The following FOXN4 variants were observed in gnomAD, a reference collection of about 807,000 sequenced individuals.
FOXN4 encodes forkhead box protein N4.
Under a neutral mutation model 45.0 loss-of-function variants are expected in FOXN4, and 12 were observed. The observed-to-expected ratio is 0.27, with a 90% CI of 0.17 to 0.43. The LOEUF is 0.43. Among genes scored for constraint, FOXN4 ranks in the 20% least tolerant of loss-of-function variants. The probability of loss-of-function intolerance (pLI) is 1.00; values close to 1 mark genes in which losing one functional copy is unlikely to be tolerated. For synonymous variants in FOXN4, 297 were observed against 295.0 expected (o/e 1.01, Z -0.07); for missense variants, 560 against 694.9 (o/e 0.81, Z 2.18).
Position 109,288,325 on chromosome 12 carries a change from TC to T in FOXN4, c.233-146del. The T allele has an allele frequency of 2.6e-6, 3 of 1,158,562 alleles. No individual in the cohort carries two copies. The highest frequency in any genetic ancestry group is 3.6e-6 in the Non-Finnish European group (3 of 844,420). The allele number at this position is 1,158,562 out of a possible 1,614,324, so 71.8% of individuals were successfully genotyped here. A position where few individuals can be genotyped will look rare whatever the true frequency, so the allele number is the denominator to read the frequency against. ...CATAGTAGGTGCTTGGCAAATCACT[TC>T]CCTGGTGTGTAGTGAAAAGTAGGTT... On this transcript the variant is annotated intron_variant, in intron 3 of 9. Transcript: ENST00000299162. The surrounding 1 kb of genome is among the most constrained non-coding windows in gnomAD (Gnocchi z 4.3).
intron 2 of FOXN4, among the ~76,000 whole-genome samples, chr12:109,297,736 A>G (rs764586834): frequency 3.9e-5 from 6 of 152,204 alleles, no homozygotes; most frequent in Non-Finnish European, 7.3e-5. Flanking sequence ...ATTCTCTTTC[A>G]CAAAACCAAT....
In FOXN4 at chr12:109,294,005, G is replaced by C. The variant is rs150927121; in HGVS notation, c.87-3719C>G. ...AATCCCTTTGTTTATAAGCGAGGCAGTCAGAACTCGAACCCGGGTCTGTCT... is the reference window on the plus strand; with the variant it reads ...AATCCCTTTGTTTATAAGCGAGGCACTCAGAACTCGAACCCGGGTCTGTCT... On this transcript the variant is annotated intron_variant, in intron 2 of 9. Transcript: ENST00000299162. 2.7e-3 allele frequency among the ~76,000 whole-genome samples: 418 copies of C among 152,322 alleles called. 2 individuals are homozygous for C. Among genetic ancestry groups the C allele is most frequent in the African/African-American group, 9.1e-3 (378 of 41,574 alleles).
At chr12:109,308,182 CAA>C in intron 2 of FOXN4, 52 bp downstream of exon 2, 1 of 1,405,274 alleles carries the variant, frequency 7.1e-7, no homozygotes, top group African/African-American at 1.4e-5. Flanking sequence ...AAACAGCATA[CAA>C]ACACTTTGAG....
rs185787643 is a variant in FOXN4 at position 109,306,312 on chromosome 12, T to C, written c.86+1924A>G. Among the ~76,000 whole-genome samples, 3 of 152,308 alleles carry C rather than the reference T, an allele frequency of 2.0e-5. No homozygotes were observed. The East Asian group carries it at 5.8e-4, about 29-fold the overall frequency. On this transcript the variant is annotated intron_variant, in intron 2 of 9. Coordinates refer to ENST00000299162, the MANE Select transcript of FOXN4 (RefSeq NM_213596.3). ...GCTGTGATCATGCCCATTTTAAAGA[T>C]GAGAAACAAAAGCAAGTCACCGGCC...
chr12:109,290,338 CT>C lies in FOXN4; in HGVS notation c.87-53del. ...CGGGAGGGGGAGCTTAGGCCAGCTC[CT>C]GGGGGTGCGTCCCGACCTCTGGAAG... is the stretch of plus-strand genomic sequence containing the variant. On this transcript the variant is annotated intron_variant, in intron 2 of 9. Transcript: ENST00000299162. The surrounding 1 kb of genome is among the most constrained non-coding windows in gnomAD (Gnocchi z 5.1). 1 of 1,495,330 alleles carries C rather than the reference CT, an allele frequency of 6.7e-7. No individual in the cohort carries two copies. The highest frequency in any genetic ancestry group is 9.0e-7 in the Non-Finnish European group (1 of 1,116,764). 92.6% of individuals were successfully genotyped at this position (1,495,330 alleles called of 1,614,324 possible).
chr12:109,286,981 C>T, intron 6 of FOXN4: 1 of 1,057,514 alleles, frequency 9.5e-7, no homozygotes, highest in Non-Finnish European at 1.3e-6. Context: ...AAATCTTACC[C>T]TTTCCCCTCT....
At chr12:109,306,319 C>A (rs1335214851) in intron 2 of FOXN4, among the ~76,000 whole-genome samples, 2 of 152,228 alleles carry the variant, frequency 1.3e-5, no homozygotes, top group Admixed American at 6.5e-5. Context: ...AGATGAGAAA[C>A]AAAAGCAAGT....
chr12:109,302,773 C>A (rs1374347167), intron 2 of FOXN4, among the ~76,000 whole-genome samples: 2 of 152,136 alleles, frequency 1.3e-5, no homozygotes, highest in African/African-American at 4.8e-5. Context: ...AGAGACATGT[C>A]CCGCCCTACC....
intron 2 of FOXN4, among the ~76,000 whole-genome samples, chr12:109,298,049 A>G (rs1206733045): frequency 6.6e-6 from 1 of 152,190 alleles, no homozygotes; most frequent in Non-Finnish European, 1.5e-5. Context: ...TAAAACAACT[A>G]GAAATTTGAT....
chr12:109,292,910 A>C (rs1206155730), intron 2 of FOXN4, among the ~76,000 whole-genome samples: 1 of 152,124 alleles, frequency 6.6e-6, no homozygotes, highest in East Asian at 1.9e-4. Context: ...AAGGCTGAGC[A>C]TCTAGTTGGG....
chr12:109,280,677 C>A (rs1417711774), intron 9 of FOXN4, among the ~76,000 whole-genome samples: 2 of 152,228 alleles, frequency 1.3e-5, no homozygotes, highest in Admixed American at 6.5e-5. Flanking sequence ...AGCTGACTTG[C>A]CACTTGTCCA....
Position 109,291,271 on chromosome 12 carries a change from T to G in FOXN4, c.87-985A>C, listed in dbSNP as rs2047765349. Among the ~76,000 whole-genome samples the G allele has an allele frequency of 6.6e-6, 1 of 151,738 alleles. No homozygotes were observed. Among genetic ancestry groups the G allele is most frequent in the Non-Finnish European group, 1.5e-5 (1 of 67,922 alleles). On this transcript the variant is annotated intron_variant, in intron 2 of 9. Transcript: ENST00000299162. The surrounding 1 kb of genome is among the most constrained non-coding windows in gnomAD (Gnocchi z 6.6). ...CACTTGCCACGCGACTCCGAGAGCA[T>G]CGGGTCTTACACCACCATCCGGGCC... is the stretch of plus-strand genomic sequence containing the variant.
intron 2 of FOXN4, among the ~76,000 whole-genome samples, chr12:109,299,239 C>T (rs193064413): frequency 4.2e-4 from 64 of 152,272 alleles, no homozygotes; most frequent in African/African-American, 1.4e-3. Flanking sequence ...CCCCCAAGGA[C>T]GCTTCTTGCT....
rs2047714084 is a variant in FOXN4 at position 109,286,651 on chromosome 12, G to A, written c.690C>T (p.Phe230=). 2 of 1,607,966 alleles carry A rather than the reference G, an allele frequency of 1.2e-6. No homozygotes were observed. Among genetic ancestry groups the A allele is most frequent in the African/African-American group, 1.3e-5 (1 of 74,874 alleles). Residue 230 remains phenylalanine, a synonymous_variant, in exon 7 of 10, where the codon TTC becomes TTT. Coordinates refer to ENST00000299162, the MANE Select transcript of FOXN4 (RefSeq NM_213596.3). ...YSFMKEHFPY[F]KTAPDGWKNS... ...CCTACCCTAGCTTGGGACTCACCTT[G>A]AAGTAGGGGAAGTGCTCCTTCATGA...
rs1401961662 is a variant in FOXN4 at position 109,304,301 on chromosome 12, AGAAAGAAG to A, written c.86+3927_86+3934del. ...AAAGAAAGAAAGAAAGAAAGGAGAA[AGAAAGAAG>A]GAAAGAAGGAAAGAAAGAAGTAAAT... On this transcript the variant is annotated intron_variant, in intron 2 of 9. Transcript: ENST00000299162. Among the ~76,000 whole-genome samples, 6 of 151,394 alleles carry A rather than the reference AGAAAGAAG, an allele frequency of 4.0e-5. No individual in the cohort carries two copies. The South Asian group carries it at 6.3e-4, about 16-fold the overall frequency.
At chr12:109,300,803 G>A (rs1040799918) in intron 2 of FOXN4, among the ~76,000 whole-genome samples, 3 of 152,170 alleles carry the variant, frequency 2.0e-5, no homozygotes, top group African/African-American at 7.2e-5. Flanking sequence ...CAGCTACTTA[G>A]GAGGCTGAGG....
chr12:109,281,928 C>T, intron 8 of FOXN4, 129 bp from the exon 9 acceptor site: 3 of 1,065,678 alleles, frequency 2.8e-6, no homozygotes, highest in Non-Finnish European at 2.6e-6. Flanking sequence ...CTCAGAACCT[C>T]TGTCTCCTCA....
chr12:109,297,242 G>T (rs941213327), intron 2 of FOXN4, among the ~76,000 whole-genome samples: 2 of 152,262 alleles, frequency 1.3e-5, no homozygotes, highest in Admixed American at 1.3e-4. Flanking sequence ...CCTCCTGTCA[G>T]ATCAGCAGCG....
chr12:109,292,233 A>G (rs752330075), intron 2 of FOXN4, among the ~76,000 whole-genome samples: 83 of 152,320 alleles, frequency 5.4e-4, no homozygotes, highest in Non-Finnish European at 1.1e-3. Flanking sequence ...TCTGCTTGGC[A>G]CTGCGGTAAC....
Sources: gnomAD v4.1 joint callset for allele counts (sites outside exome capture counted in the v4.1 genomes callset) on GRCh38, gnomAD v4.1.1 for gene constraint, Gnocchi (gnomAD v3.1) non-coding constraint, MANE v1.5 for transcripts, NCBI Gene and HGNC (gene_info 2026-07-23, HGNC 2026-07-21) for gene names.